Variants in RBFOX1 observed in about 807,000 individuals in gnomAD.
RBFOX1 encodes RNA binding fox-1 homolog 1.
In RBFOX1, 8 loss-of-function variants were observed where a neutral mutation model predicts 57.7. The ratio of observed to expected loss-of-function variants is 0.14; its 90% CI spans 0.08 to 0.25. RBFOX1 has a LOEUF of 0.25. Ranked by LOEUF, RBFOX1 falls within the 10% of genes least tolerant of loss-of-function variation. The pLI is 1.00. For synonymous variants in RBFOX1, 326 were observed against 222.4 expected, an observed-to-expected ratio of 1.47 and a Z score of -4.15; for missense variants, 611 against 548.5, an observed-to-expected ratio of 1.11 and a Z score of -1.14.
chr16:6,638,895 A>C (rs1001665197), intron 2 of RBFOX1, among the ~76,000 whole-genome samples: 4 of 152,184 alleles, frequency 2.6e-5, no homozygotes, highest in Non-Finnish European at 5.9e-5. Flanking sequence ...TCTTGTGGAA[A>C]GAACCAGTAT....
intron 2 of RBFOX1, among the ~76,000 whole-genome samples, chr16:6,576,601 C>G (rs970827459): frequency 6.6e-6 from 1 of 152,158 alleles, no homozygotes; most frequent in Non-Finnish European, 1.5e-5. Flanking sequence ...CTTCTTTGAA[C>G]TCCAACTGGG....
chr16:7,207,907 C>T (rs1416373274), intron 4 of RBFOX1, among the ~76,000 whole-genome samples: 1 of 152,186 alleles, frequency 6.6e-6, no homozygotes, highest in African/African-American at 2.4e-5. Flanking sequence ...TTGAACTCCA[C>T]AGGGTGCATC....
rs2093278947 is a variant in RBFOX1 at position 6,406,317 on chromosome 16, T to A, written c.-64+89260T>A. Among the ~76,000 whole-genome samples the A allele has an allele frequency of 4.8e-5, 7 of 147,320 alleles. No individual in the cohort carries two copies. The South Asian group carries it at 1.6e-3, about 33-fold the overall frequency. ...CCACCGCAGTGGTCCCTTCCTATAA[T>A]CAAACTGTAGTAGCTTCTGTCTCCA... is the stretch of plus-strand genomic sequence containing the variant. On this transcript the variant is annotated intron_variant, in intron 2 of 15. Coordinates refer to ENST00000550418, the MANE Select transcript of RBFOX1 (RefSeq NM_018723.4).
At chr16:7,174,862 C>T (rs915933366) in intron 4 of RBFOX1, among the ~76,000 whole-genome samples, 11 of 152,162 alleles carry the variant, frequency 7.2e-5, no homozygotes, top group African/African-American at 1.9e-4. Context: ...CCACCAGCAA[C>T]ATACAAGCAT....
intron 1 of RBFOX1, among the ~76,000 whole-genome samples, chr16:6,198,721 G>C (rs955885732): frequency 2.6e-5 from 4 of 152,064 alleles, no homozygotes; most frequent in Non-Finnish European, 5.9e-5. Context: ...ATTATTTTTG[G>C]AACTAAAGTG....
At chr16:7,449,654 A>T (rs1407620130) in intron 4 of RBFOX1, among the ~76,000 whole-genome samples, 1 of 142,666 alleles carries the variant, frequency 7.0e-6, no homozygotes, top group Non-Finnish European at 1.5e-5. Context: ...GCTGTTACAT[A>T]GTAGGTCTTG....
At chr16:5,501,896 AT>A (rs889918973) in intron 2 of RBFOX1, among the ~76,000 whole-genome samples, 4 of 150,808 alleles carry the variant, frequency 2.7e-5, no homozygotes, top group South Asian at 2.1e-4. Context: ...TTATTTATTT[AT>A]TTTTTTTGTA....
intron 1 of RBFOX1, among the ~76,000 whole-genome samples, chr16:6,286,437 C>T (rs1310137368): frequency 6.6e-6 from 1 of 152,212 alleles, no homozygotes; most frequent in Non-Finnish European, 1.5e-5. Context: ...CTGAGTTGCT[C>T]AAAGTCTCTG....
chr16:5,294,977 C>T (rs12920441), intron 1 of RBFOX1, among the ~76,000 whole-genome samples: 93,109 of 129,918 alleles, frequency 0.72, 36,938 homozygotes, highest in East Asian at 0.88. Context: ...CTGCAGTGAG[C>T]CGAGATCGCA....
At position 6,975,319 on chromosome 16, in the gene RBFOX1, G is replaced by A. The variant is rs779149154; in HGVS notation, c.-15-76738G>A. On this transcript the variant is annotated intron_variant, in intron 3 of 15. Transcript: ENST00000550418. ...CTCATTCTGTCACCCAGGCTGGAGT[G>A]CAGTGGCACAATATCAGCTCACTGC... Among the ~76,000 whole-genome samples, 4 of 152,002 alleles carry A rather than the reference G, an allele frequency of 2.6e-5. No homozygotes were observed. In the East Asian group the frequency reaches 7.7e-4, roughly 29 times the overall value.
Position 7,557,815 on chromosome 16 carries a change from A to G in RBFOX1, c.271-21962A>G, listed in dbSNP as rs531455549. ...GAAGGAGCGGGAGAGGGCTCCAGAGACTGATCTGAAGCATTTGCCAATTTC... is the reference window on the plus strand; with the variant it reads ...GAAGGAGCGGGAGAGGGCTCCAGAGGCTGATCTGAAGCATTTGCCAATTTC... On this transcript the variant is annotated intron_variant, in intron 5 of 15. Coordinates refer to ENST00000550418, the MANE Select transcript of RBFOX1 (RefSeq NM_018723.4). Among the ~76,000 whole-genome samples the G allele has an allele frequency of 1.5e-4, 23 of 152,032 alleles. No homozygotes were observed. In the East Asian group the frequency reaches 4.3e-3, roughly 28 times the overall value.
intron 1 of RBFOX1, among the ~76,000 whole-genome samples, chr16:6,143,959 C>G (rs1294596179): frequency 7.1e-6 from 1 of 139,962 alleles, no homozygotes; most frequent in Non-Finnish European, 1.5e-5. Context: ...CCATACTCAG[C>G]TATATATATA....
intron 1 of RBFOX1, among the ~76,000 whole-genome samples, chr16:6,110,605 C>T (rs985466834): frequency 6.6e-6 from 1 of 152,158 alleles, no homozygotes; most frequent in Non-Finnish European, 1.5e-5. Flanking sequence ...AATCAATCTG[C>T]CCTAACATTG....
intron 4 of RBFOX1, among the ~76,000 whole-genome samples, chr16:7,503,757 C>T (rs1005542281): frequency 1.3e-5 from 2 of 152,250 alleles, no homozygotes; most frequent in East Asian, 1.9e-4. Flanking sequence ...CTTTCCCTTA[C>T]AAAAATTCAC....
intron 1 of RBFOX1, among the ~76,000 whole-genome samples, chr16:6,135,845 A>C (rs1339399989): frequency 8.2e-6 from 1 of 121,474 alleles, no homozygotes; most frequent in Non-Finnish European, 1.6e-5. Context: ...CCCAGGCTGG[A>C]GTGCAGTGGC....
intron 4 of RBFOX1, among the ~76,000 whole-genome samples, chr16:5,982,146 T>C (rs985391312): frequency 1.3e-5 from 2 of 152,196 alleles, no homozygotes; most frequent in Non-Finnish European, 2.9e-5. Context: ...TGTGGTCCCA[T>C]TGACCCTCTG....
intron 4 of RBFOX1, among the ~76,000 whole-genome samples, chr16:7,094,744 C>CTGTGTGTGTGTGTGTG (rs370249382): frequency 0.036 from 4,996 of 139,256 alleles, 102 homozygotes; most frequent in Non-Finnish European, 0.043. Flanking sequence ...GACTGTACAG[C>CTGTGTGTGTGTGTGTG]TGTGTGTGTG....
At chr16:6,658,335 G>C (rs547924433) in intron 3 of RBFOX1, among the ~76,000 whole-genome samples, 25 of 151,806 alleles carry the variant, frequency 1.6e-4, no homozygotes, top group African/African-American at 4.8e-4. Context: ...CCGCCTCCCG[G>C]GTTCAAGCGA....
chr16:6,984,455 C>A (rs1371671299), intron 3 of RBFOX1, among the ~76,000 whole-genome samples: 1 of 152,068 alleles, frequency 6.6e-6, no homozygotes, highest in Non-Finnish European at 1.5e-5. Context: ...CAATATATAT[C>A]CCTATGGATG....
Sources: gnomAD v4.1 joint callset for allele counts (sites outside exome capture counted in the v4.1 genomes callset) on GRCh38, gnomAD v4.1.1 for gene constraint, MANE v1.5 for transcripts, NCBI Gene and HGNC (gene_info 2026-07-23, HGNC 2026-07-21) for gene names.